FOXJ3: variants seen among roughly 807,000 people sequenced by gnomAD.
The protein encoded by FOXJ3 is forkhead box J3.
FOXJ3 carries 22 observed loss-of-function variants against 76.1 expected under a neutral mutation model. The ratio of observed to expected loss-of-function variants is 0.29; its 90% confidence interval spans 0.21 to 0.41. The LOEUF is 0.41. Among genes scored for constraint, FOXJ3 ranks in the 10% least tolerant of loss-of-function variants. The pLI is 1.00. For synonymous variants in FOXJ3, 269 were observed against 261.2 expected, an observed-to-expected ratio of 1.03 and a Z score of -0.29; for missense variants, 613 against 762.1, an observed-to-expected ratio of 0.80 and a Z score of 2.30.
At chr1:42,297,059 T>G (rs760074323) in intron 2 of FOXJ3, among the ~76,000 whole-genome samples, 9 of 151,898 alleles carry the variant, frequency 5.9e-5, no homozygotes, top group Non-Finnish European at 7.4e-5. Flanking sequence ...CGGGTGTGGG[T>G]GTGTGTGTGT....
intron 2 of FOXJ3, among the ~76,000 whole-genome samples, chr1:42,298,082 G>A (rs773525657): frequency 1.3e-5 from 2 of 152,070 alleles, no homozygotes; most frequent in African/African-American, 2.4e-5. Context: ...TCTCTTGATA[G>A]TAAGTTCTCA....
At chr1:42,183,493 A>C (rs575192301) in intron 11 of FOXJ3, among the ~76,000 whole-genome samples, 1 of 152,048 alleles carries the variant, frequency 6.6e-6, no homozygotes, top group East Asian at 1.9e-4. Context: ...ACTACGTTAC[A>C]TCACAATGCA....
At chr1:42,235,897 A>G (rs1206106224) in intron 4 of FOXJ3, among the ~76,000 whole-genome samples, 2 of 152,110 alleles carry the variant, frequency 1.3e-5, no homozygotes, top group Non-Finnish European at 2.9e-5. Flanking sequence ...CATGTTGCCC[A>G]GGTTGGTCTC....
rs779249051 is a variant in FOXJ3 at position 42,182,026 on chromosome 1, TA to T, written c.1646-3del. ...GCCTAGAATCTATGTACAAATTTCC[TA>T]ATCAGATTAAAAGCAGAAAGAGGGA... On this transcript the variant is annotated splice_polypyrimidine_tract_variant and splice_region_variant and intron_variant, in intron 11 of 12. Coordinates refer to ENST00000361346, the MANE Select transcript of FOXJ3 (RefSeq NM_014947.5). 5.7e-6 allele frequency: 9 copies of T among 1,568,406 alleles called. No individual in the cohort carries two copies. In the East Asian group the frequency reaches 2.0e-4, roughly 35 times the overall value.
intron 1 of FOXJ3, among the ~76,000 whole-genome samples, chr1:42,333,569 A>G (rs1421965305): frequency 6.6e-6 from 1 of 152,224 alleles, no homozygotes; most frequent in Non-Finnish European, 1.5e-5. Flanking sequence ...TATAATATAT[A>G]CCACTCAGAA....
At chr1:42,268,514 T>G (rs1188719431) in intron 3 of FOXJ3, among the ~76,000 whole-genome samples, 1 of 151,772 alleles carries the variant, frequency 6.6e-6, no homozygotes, top group African/African-American at 2.4e-5. Flanking sequence ...AAAATGAAGG[T>G]AGATTTAATG....
chr1:42,330,389 G>A (rs1480771796), intron 1 of FOXJ3, among the ~76,000 whole-genome samples: 2 of 152,190 alleles, frequency 1.3e-5, no homozygotes, highest in Non-Finnish European at 2.9e-5. Flanking sequence ...TGTAATCCTA[G>A]CGCTTTGGGA....
chr1:42,186,150 T>G (rs1178855162), intron 11 of FOXJ3, among the ~76,000 whole-genome samples: 1 of 152,046 alleles, frequency 6.6e-6, no homozygotes, highest in Non-Finnish European at 1.5e-5. Context: ...AAGATCTGAA[T>G]GGATGTGATA....
intron 4 of FOXJ3, among the ~76,000 whole-genome samples, chr1:42,244,691 A>G (rs1170817686): frequency 6.6e-6 from 1 of 152,176 alleles, no homozygotes; most frequent in African/African-American, 2.4e-5. Flanking sequence ...TAAAATCAGA[A>G]ACAAAAAAAG....
chr1:42,240,759 GAA>G (rs921629928), intron 4 of FOXJ3, among the ~76,000 whole-genome samples: 3 of 152,214 alleles, frequency 2.0e-5, no homozygotes. Flanking sequence ...GAAACTTTTA[GAA>G]AAGATAAATG....
intron 1 of FOXJ3, among the ~76,000 whole-genome samples, chr1:42,327,757 C>T (rs540794323): frequency 6.8e-4 from 103 of 152,292 alleles, no homozygotes; most frequent in Admixed American, 1.2e-3. Flanking sequence ...CCACACTCTA[C>T]CAATCAATCA....
intron 2 of FOXJ3, among the ~76,000 whole-genome samples, chr1:42,306,051 G>A (rs889963563): frequency 1.3e-5 from 2 of 152,128 alleles, no homozygotes; most frequent in Non-Finnish European, 2.9e-5. Flanking sequence ...GTTACAATAT[G>A]TAAAAGAAGT....
chr1:42,300,381 G>C (rs561604963), intron 2 of FOXJ3, among the ~76,000 whole-genome samples: 3 of 151,984 alleles, frequency 2.0e-5, no homozygotes, highest in African/African-American at 7.3e-5. Context: ...TTTCTTATAC[G>C]ATCAGTATAG....
chr1:42,229,151 G>A (rs1404002276), intron 4 of FOXJ3, among the ~76,000 whole-genome samples: 1 of 151,864 alleles, frequency 6.6e-6, no homozygotes, highest in Non-Finnish European at 1.5e-5. Context: ...ATTTTACCTC[G>A]GATTATCCAA....
At chr1:42,226,403 G>C (rs1647571035) in intron 5 of FOXJ3, among the ~76,000 whole-genome samples, 1 of 152,214 alleles carries the variant, frequency 6.6e-6, no homozygotes, top group African/African-American at 2.4e-5. Flanking sequence ...CCTGAGGTCA[G>C]GAGTTCGAAA....
intron 3 of FOXJ3, among the ~76,000 whole-genome samples, chr1:42,271,168 C>A (rs1651840188): frequency 6.6e-6 from 1 of 152,032 alleles, no homozygotes. Flanking sequence ...GGAATGTATG[C>A]CATGAAGGTA....
chr1:42,232,781 G>A (rs899863759), intron 4 of FOXJ3, among the ~76,000 whole-genome samples: 104 of 152,176 alleles, frequency 6.8e-4, no homozygotes, highest in East Asian at 3.1e-3. Flanking sequence ...TTGGCTGTGT[G>A]GAAGCTCTTT....
chr1:42,225,002 C>T (rs895626681), intron 5 of FOXJ3, among the ~76,000 whole-genome samples: 7 of 149,970 alleles, frequency 4.7e-5, no homozygotes, highest in Admixed American at 2.0e-4. Context: ...AACCTGGGCC[C>T]GGGAGGTAGA....
chr1:42,218,658 T>C (rs1337589480), intron 5 of FOXJ3, among the ~76,000 whole-genome samples: 4 of 152,234 alleles, frequency 2.6e-5, no homozygotes, highest in African/African-American at 9.6e-5. Flanking sequence ...ACACAACAGC[T>C]AGAGTGACCG....
Sources: gnomAD v4.1 joint callset for allele counts (sites outside exome capture counted in the v4.1 genomes callset) on GRCh38, gnomAD v4.1.1 for gene constraint, MANE v1.5 for transcripts, NCBI Gene and HGNC (gene_info 2026-07-23, HGNC 2026-07-21) for gene names.